Variants in FGF12 observed in about 807,000 individuals in gnomAD.
FGF12 encodes fibroblast growth factor 12B.
FGF12 carries 14 observed loss-of-function variants against 23.6 expected under a neutral mutation model. The ratio of observed to expected loss-of-function variants is 0.59; its 90% CI spans 0.39 to 0.93. The LOEUF is 0.93. Ranked by LOEUF, FGF12 falls within the 40% of genes least tolerant of loss-of-function variation. The pLI is 0.00. For missense variants in FGF12, 175 were observed against 217.8 expected (o/e 0.80, Z 1.24); for synonymous variants, 62 against 77.3 (o/e 0.80, Z 1.04).
chr3:192,276,810 A>G (rs1713818244), intron 4 of FGF12, among the ~76,000 whole-genome samples: 2 of 152,198 alleles, frequency 1.3e-5, no homozygotes, highest in South Asian at 2.1e-4. Flanking sequence ...ACTGTAGGTA[A>G]TAAGATTCCC....
chr3:192,387,138 G>T (rs1018218063), intron 2 of FGF12, among the ~76,000 whole-genome samples: 2 of 152,140 alleles, frequency 1.3e-5, no homozygotes, highest in Non-Finnish European at 2.9e-5. Context: ...TCCTGGGATC[G>T]TAATCAGATC....
At chr3:192,333,806 T>C (rs925163514) in intron 4 of FGF12, among the ~76,000 whole-genome samples, 6 of 152,096 alleles carry the variant, frequency 3.9e-5, no homozygotes, top group African/African-American at 1.2e-4. Flanking sequence ...AATTTATTAA[T>C]GTGCACTGGG....
intron 2 of FGF12, among the ~76,000 whole-genome samples, chr3:192,624,208 T>G (rs1715075070): frequency 6.6e-6 from 1 of 151,304 alleles, no homozygotes. Flanking sequence ...AAAAAAAAAA[T>G]CCCACATGAA....
intron 2 of FGF12, among the ~76,000 whole-genome samples, chr3:192,449,940 T>C (rs991566466): frequency 2.0e-5 from 3 of 152,156 alleles, no homozygotes; most frequent in Non-Finnish European, 4.4e-5. Flanking sequence ...ATAGAATTCT[T>C]TGTACTTCTT....
At chr3:192,221,245 C>G (rs932107913) in intron 4 of FGF12, among the ~76,000 whole-genome samples, 1 of 152,158 alleles carries the variant, frequency 6.6e-6, no homozygotes, top group Admixed American at 6.6e-5. Flanking sequence ...ATTGGTATTT[C>G]TTTTTATTTT....
chr3:192,338,352 CT>C (rs1717521175), intron 3 of FGF12, among the ~76,000 whole-genome samples: 1 of 152,034 alleles, frequency 6.6e-6, no homozygotes, highest in African/African-American at 2.4e-5. Context: ...CCTTTTTGTT[CT>C]TTTAATTTCC....
chr3:192,439,369 C>T (rs1372634939), intron 2 of FGF12, among the ~76,000 whole-genome samples: 1 of 152,180 alleles, frequency 6.6e-6, no homozygotes, highest in Non-Finnish European at 1.5e-5. Context: ...CTCAGGGGAG[C>T]TGAAAAGAAC....
chr3:192,446,403 C>T lies in FGF12; in HGVS notation c.14-85865G>A, dbSNP rs142670292. ...ACACAGTTCATTTAGCTCAACACATCCGTTTCTAACAGTGATGTATCACGG... is the reference window on the plus strand; with the variant it reads ...ACACAGTTCATTTAGCTCAACACATTCGTTTCTAACAGTGATGTATCACGG... On this transcript the variant is annotated intron_variant, in intron 2 of 5. Transcript: ENST00000445105. 8.3e-3 allele frequency among the ~76,000 whole-genome samples: 1,267 copies of T among 152,272 alleles called. 15 individuals carry two copies. Among genetic ancestry groups the T allele is most frequent in the African/African-American group, 0.029 (1,212 of 41,564 alleles).
At chr3:192,378,749 T>C (rs1719683662) in intron 2 of FGF12, among the ~76,000 whole-genome samples, 2 of 152,258 alleles carry the variant, frequency 1.3e-5, no homozygotes, top group South Asian at 4.2e-4. Context: ...GGTTGTGGGC[T>C]ATATCTATAT....
intron 4 of FGF12, among the ~76,000 whole-genome samples, chr3:192,315,524 T>C (rs374821668): frequency 3.3e-5 from 5 of 152,128 alleles, no homozygotes; most frequent in African/African-American, 1.2e-4. Flanking sequence ...TCCCTCCAAG[T>C]GAGTTATATA....
chr3:192,220,087 C>G (rs1207926625), intron 4 of FGF12, among the ~76,000 whole-genome samples: 1 of 152,046 alleles, frequency 6.6e-6, no homozygotes, highest in Admixed American at 6.5e-5. Flanking sequence ...TACTTCTTAT[C>G]TTGACAATTG....
At chr3:192,537,711 T>C (rs1040461408) in intron 2 of FGF12, among the ~76,000 whole-genome samples, 1 of 152,212 alleles carries the variant, frequency 6.6e-6, no homozygotes, top group Non-Finnish European at 1.5e-5. Context: ...GTCAGATGGA[T>C]AGTTTGCAAA....
intron 2 of FGF12, among the ~76,000 whole-genome samples, chr3:192,578,416 CCA>C (rs887943148): frequency 3.3e-5 from 5 of 152,148 alleles, no homozygotes; most frequent in Admixed American, 1.3e-4. Flanking sequence ...TCTTGTGGCT[CCA>C]GAGTCTGCAT....
At chr3:192,429,775 T>C (rs926281612) in intron 2 of FGF12, among the ~76,000 whole-genome samples, 2 of 138,420 alleles carry the variant, frequency 1.4e-5, no homozygotes, top group African/African-American at 2.6e-5. Flanking sequence ...TGAGAAGATA[T>C]CTCTTAACGC....
chr3:192,642,926 C>A (rs1259309893), intron 2 of FGF12, among the ~76,000 whole-genome samples: 6 of 152,218 alleles, frequency 3.9e-5, no homozygotes, highest in Admixed American at 3.3e-4. Flanking sequence ...CTCTTTATTT[C>A]TTTCCTTTGA....
chr3:192,354,298 T>A (rs1718366240), intron 3 of FGF12, among the ~76,000 whole-genome samples: 1 of 152,068 alleles, frequency 6.6e-6, no homozygotes, highest in Non-Finnish European at 1.5e-5. Flanking sequence ...AATTCCAGAT[T>A]AACTAAATAT....
intron 2 of FGF12, among the ~76,000 whole-genome samples, chr3:192,641,149 A>C (rs1243468056): frequency 2.0e-5 from 1 of 48,790 alleles, no homozygotes; most frequent in African/African-American, 7.6e-5. Context: ...TCTGTCGCCC[A>C]GGCTGGAGTG....
intron 2 of FGF12, among the ~76,000 whole-genome samples, chr3:192,615,728 A>G (rs1714730086): frequency 6.6e-6 from 1 of 152,002 alleles, no homozygotes. Context: ...TTTGGCAAGA[A>G]GATAATGGTA....
rs545164306 is a variant in FGF12 at position 192,374,892 on chromosome 3, T to C, written c.14-14354A>G. Among the ~76,000 whole-genome samples, 35 of 152,328 alleles carry C rather than the reference T, an allele frequency of 2.3e-4. 1 individual carries two copies. In the East Asian group the frequency reaches 4.2e-3, roughly 18 times the overall value. ...ATTTAACAAATACTAGCATTTTCCATAATTGCTTCAAATCGTTTTATAGAA... is the reference window on the plus strand; with the variant it reads ...ATTTAACAAATACTAGCATTTTCCACAATTGCTTCAAATCGTTTTATAGAA... On this transcript the variant is annotated intron_variant, in intron 2 of 5. Coordinates refer to ENST00000445105, the MANE Select transcript of FGF12 (RefSeq NM_004113.6).
Sources: gnomAD v4.1 joint callset for allele counts (sites outside exome capture counted in the v4.1 genomes callset) on GRCh38, gnomAD v4.1.1 for gene constraint, MANE v1.5 for transcripts, NCBI Gene and HGNC (gene_info 2026-07-23, HGNC 2026-07-21) for gene names.